Variants in CADM2 observed in about 807,000 individuals in gnomAD.
CADM2 encodes the protein immunoglobulin superfamily member 4D.
A neutral mutation model predicts 49.8 loss-of-function variants in CADM2; 12 were observed. That is an observed-to-expected ratio of 0.24 (90% CI 0.15 to 0.39). The LOEUF (loss-of-function observed/expected upper bound fraction) is 0.39, where lower values mean the gene tolerates loss of function less well. Among genes scored for constraint, CADM2 ranks in the 10% least tolerant of loss-of-function variants. CADM2 has a pLI of 1.00. For synonymous variants in CADM2, 214 were observed against 175.4 expected (o/e 1.22, Z -1.74); for missense variants, 378 against 492.3 (o/e 0.77, Z 2.20).
chr3:85,488,485 G>T (rs1490746087), intron 1 of CADM2, among the ~76,000 whole-genome samples: 1 of 151,978 alleles, frequency 6.6e-6, no homozygotes, highest in African/African-American at 2.4e-5. Flanking sequence ...TTTGAGGGAT[G>T]ATGAGATGAT....
chr3:85,874,083 A>C (rs1711507747), intron 3 of CADM2, among the ~76,000 whole-genome samples: 1 of 152,108 alleles, frequency 6.6e-6, no homozygotes, highest in South Asian at 2.1e-4. Flanking sequence ...AAAAATATAA[A>C]AGAGAACAGT....
At chr3:85,271,218 T>A (rs781548877) in intron 1 of CADM2, among the ~76,000 whole-genome samples, 7 of 151,454 alleles carry the variant, frequency 4.6e-5, no homozygotes, top group Non-Finnish European at 1.0e-4. Flanking sequence ...ATGCTGTATG[T>A]TAAAACCTTT....
At chr3:85,660,095 C>A (rs1387820566) in intron 1 of CADM2, among the ~76,000 whole-genome samples, 1 of 152,056 alleles carries the variant, frequency 6.6e-6, no homozygotes, top group South Asian at 2.1e-4. Context: ...TTCATTTGTA[C>A]CAAATGATCC....
intron 8 of CADM2, among the ~76,000 whole-genome samples, chr3:85,968,591 A>G (rs1199800438): frequency 1.3e-5 from 2 of 151,638 alleles, no homozygotes; most frequent in Non-Finnish European, 3.0e-5. Flanking sequence ...CATTAAAAAA[A>G]TATTTTCTCA....
intron 8 of CADM2, among the ~76,000 whole-genome samples, chr3:86,044,570 A>G (rs370286313): frequency 2.6e-5 from 4 of 152,130 alleles, no homozygotes; most frequent in East Asian, 1.9e-4. Flanking sequence ...AACAGGTGCT[A>G]GAGAGGATGT....
chr3:85,390,066 T>C (rs1168514451), intron 1 of CADM2, among the ~76,000 whole-genome samples: 1 of 152,064 alleles, frequency 6.6e-6, no homozygotes, highest in African/African-American at 2.4e-5. Flanking sequence ...AAGAATTATA[T>C]AAATATGAAA....
chr3:85,610,696 T>G lies in CADM2; in HGVS notation c.62-115826T>G, dbSNP rs751260559. On this transcript the variant is annotated intron_variant, in intron 1 of 9. Transcript: ENST00000383699. ...ACTGACTATGCTCTTAACCACTTCA[T>G]TATGGCAACGTGCAATAAATGTGTT... is the stretch of plus-strand genomic sequence containing the variant. Among the ~76,000 whole-genome samples, 149 of 152,088 alleles carry G rather than the reference T, an allele frequency of 9.8e-4. 1 individual carries two copies. The highest frequency in any genetic ancestry group is 2.2e-4 in the Non-Finnish European group (15 of 67,854).
chr3:86,036,020 G>A (rs916185211), intron 8 of CADM2, among the ~76,000 whole-genome samples: 1 of 152,026 alleles, frequency 6.6e-6, no homozygotes, highest in Non-Finnish European at 1.5e-5. Context: ...CATCATGGAT[G>A]ATCGACCTTC....
chr3:85,360,252 CTT>C (rs1476352253), intron 1 of CADM2, among the ~76,000 whole-genome samples: 2 of 151,982 alleles, frequency 1.3e-5, no homozygotes, highest in South Asian at 2.1e-4. Flanking sequence ...AAGCTTAGGA[CTT>C]ATAATACCAG....
intron 1 of CADM2, among the ~76,000 whole-genome samples, chr3:85,557,871 T>C (rs2062000499): frequency 6.6e-6 from 1 of 152,106 alleles, no homozygotes. Context: ...TTTTTTGCTA[T>C]TCATTTAACA....
At chr3:85,846,954 G>A (rs2074909305) in intron 3 of CADM2, among the ~76,000 whole-genome samples, 2 of 152,320 alleles carry the variant, frequency 1.3e-5, no homozygotes, top group Admixed American at 6.5e-5. Flanking sequence ...CCACCAAAAT[G>A]AGTGTAGGAT....
At chr3:85,395,313 AAAAG>A (rs1363474424) in intron 1 of CADM2, among the ~76,000 whole-genome samples, 54 of 151,338 alleles carry the variant, frequency 3.6e-4, no homozygotes, top group African/African-American at 1.1e-3. Context: ...AAAAAAAAAA[AAAAG>A]GAAAGAAAAA....
At chr3:85,048,498 T>TA (rs1256691805) in intron 1 of CADM2, among the ~76,000 whole-genome samples, 1 of 152,120 alleles carries the variant, frequency 6.6e-6, no homozygotes, top group Non-Finnish European at 1.5e-5. Flanking sequence ...GCAGCAGAGA[T>TA]AAAATATCAT....
At chr3:85,714,268 G>A (rs149065659) in intron 1 of CADM2, among the ~76,000 whole-genome samples, 35 of 152,276 alleles carry the variant, frequency 2.3e-4, no homozygotes, top group African/African-American at 8.2e-4. Flanking sequence ...CTGCATTTAT[G>A]TTTGCTCAAT....
At chr3:85,578,783 T>G (rs1437800686) in intron 1 of CADM2, among the ~76,000 whole-genome samples, 1 of 152,226 alleles carries the variant, frequency 6.6e-6, no homozygotes, top group Non-Finnish European at 1.5e-5. Flanking sequence ...TATTTAACAT[T>G]AGTGGTGATT....
intron 1 of CADM2, among the ~76,000 whole-genome samples, chr3:85,176,237 T>C (rs1156672717): frequency 6.6e-6 from 1 of 152,192 alleles, no homozygotes; most frequent in Non-Finnish European, 1.5e-5. Context: ...GCGCTGTCAC[T>C]TTCAAATGGT....
At chr3:85,129,997 A>G (rs778100262) in intron 1 of CADM2, among the ~76,000 whole-genome samples, 78 of 152,332 alleles carry the variant, frequency 5.1e-4, no homozygotes, top group Non-Finnish European at 7.6e-4. Context: ...ATCAGAATGT[A>G]GCCAGGTGTG....
intron 6 of CADM2, among the ~76,000 whole-genome samples, chr3:85,915,374 T>A (rs9309995): frequency 0.089 from 13,548 of 152,164 alleles, 737 homozygotes; most frequent in Non-Finnish European, 0.12. Context: ...ATTATTTTCC[T>A]AGCATCTAGC....
rs368986200 is a variant in CADM2, at chr3:85,897,427, G to A, written c.529+11100G>A. ...TGGGACTACAGGCGCCCGCCACCGCGCCCGGCTAATTTTTTGTATTTTTAG... is the reference window on the plus strand; with the variant it reads ...TGGGACTACAGGCGCCCGCCACCGCACCCGGCTAATTTTTTGTATTTTTAG... On this transcript the variant is annotated intron_variant, in intron 5 of 9. Coordinates refer to ENST00000383699, the MANE Select transcript of CADM2 (RefSeq NM_001167675.2). Among the ~76,000 whole-genome samples the A allele has an allele frequency of 8.7e-5, 13 of 148,582 alleles. No homozygotes were observed. The East Asian group carries it at 2.0e-3, about 23-fold the overall frequency.
Sources: allele counts gnomAD v4.1 joint callset (sites outside exome capture counted in the v4.1 genomes callset), GRCh38; gene constraint gnomAD v4.1.1; transcripts MANE v1.5; gene names NCBI Gene and HGNC (gene_info 2026-07-23, HGNC 2026-07-21).